The following EXOC6B variants were observed in gnomAD, a reference collection of about 807,000 sequenced individuals.
EXOC6B encodes the protein exocyst complex component 6B.
In EXOC6B, 54 loss-of-function variants were observed where a neutral mutation model predicts 113.5. The observed-to-expected ratio is 0.48, with a 90% confidence interval of 0.38 to 0.60. EXOC6B has a LOEUF of 0.60. Among genes scored for constraint, EXOC6B ranks in the 20% least tolerant of loss-of-function variants. EXOC6B has a pLI of 0.00. For synonymous variants in EXOC6B, 357 were observed against 339.0 expected (o/e 1.05, Z -0.58); for missense variants, 797 against 977.5 (o/e 0.82, Z 2.46).
intron 6 of EXOC6B, among the ~76,000 whole-genome samples, chr2:72,590,231 T>A (rs566978835): frequency 6.6e-6 from 1 of 152,092 alleles, no homozygotes; most frequent in East Asian, 1.9e-4. Flanking sequence ...GAAATTTTGA[T>A]TATGATCCAT....
intron 15 of EXOC6B, among the ~76,000 whole-genome samples, chr2:72,493,128 A>C (rs1699836961): frequency 6.6e-6 from 1 of 152,044 alleles, no homozygotes; most frequent in Non-Finnish European, 1.5e-5. Context: ...ACAATACATT[A>C]AGACTTTAGT....
chr2:72,498,015 A>C (rs1280614214), intron 13 of EXOC6B, among the ~76,000 whole-genome samples: 1 of 152,226 alleles, frequency 6.6e-6, no homozygotes, highest in Non-Finnish European at 1.5e-5. Context: ...GAGGAACAAC[A>C]TGAGTGAGTC....
At chr2:72,411,403 C>A (rs1004080674) in intron 18 of EXOC6B, among the ~76,000 whole-genome samples, 15 of 152,072 alleles carry the variant, frequency 9.9e-5, no homozygotes, top group African/African-American at 3.6e-4. Context: ...ATAACAGCTA[C>A]ATATTGGATT....
intron 8 of EXOC6B, among the ~76,000 whole-genome samples, chr2:72,525,904 G>A (rs1701727302): frequency 6.6e-6 from 1 of 152,072 alleles, no homozygotes; most frequent in Non-Finnish European, 1.5e-5. Context: ...TGCATATGAT[G>A]AGAAAGGAGA....
In EXOC6B at chr2:72,782,371, T is replaced by C. The variant is rs141537821; in HGVS notation, c.114-40902A>G. 1.4e-4 allele frequency among the ~76,000 whole-genome samples: 21 copies of C among 152,234 alleles called. No individual in the cohort carries two copies. The East Asian group carries it at 3.9e-3, about 28-fold the overall frequency. On this transcript the variant is annotated intron_variant, in intron 1 of 21. Coordinates refer to ENST00000272427, the MANE Select transcript of EXOC6B (RefSeq NM_015189.3). ...ATTTCTTTTTGGCTTAGATTTACCTTTTCTTTTTTATTTTTTAAAATTATT... is the reference window on the plus strand; with the variant it reads ...ATTTCTTTTTGGCTTAGATTTACCTCTTCTTTTTTATTTTTTAAAATTATT...
At chr2:72,609,979 A>G (rs1670977279) in intron 6 of EXOC6B, among the ~76,000 whole-genome samples, 1 of 152,124 alleles carries the variant, frequency 6.6e-6, no homozygotes, top group African/African-American at 2.4e-5. Flanking sequence ...GTGCTGAAGA[A>G]AAAAATTAAC....
At chr2:72,612,627 C>T (rs1391424151) in intron 6 of EXOC6B, among the ~76,000 whole-genome samples, 1 of 152,136 alleles carries the variant, frequency 6.6e-6, no homozygotes, top group Non-Finnish European at 1.5e-5. Flanking sequence ...GAGATAGAAC[C>T]ACCATCTTAA....
chr2:72,483,528 T>A (rs1699230464), intron 16 of EXOC6B, among the ~76,000 whole-genome samples: 1 of 152,214 alleles, frequency 6.6e-6, no homozygotes, highest in Admixed American at 6.5e-5. Context: ...TTTTTAAAGA[T>A]CTGTCAACAC....
intron 18 of EXOC6B, among the ~76,000 whole-genome samples, chr2:72,452,650 T>A (rs1209247745): frequency 1.3e-5 from 2 of 152,214 alleles, no homozygotes; most frequent in Non-Finnish European, 2.9e-5. Context: ...CAGCCAGGAA[T>A]AAGCATAGTA....
intron 20 of EXOC6B, among the ~76,000 whole-genome samples, chr2:72,289,537 C>T (rs1043881410): frequency 6.6e-6 from 1 of 152,002 alleles, no homozygotes; most frequent in African/African-American, 2.4e-5. Flanking sequence ...GAGTGTGTGT[C>T]TGTGTGTGTA....
chr2:72,194,564 A>T (rs1443711876), intron 20 of EXOC6B, among the ~76,000 whole-genome samples: 1 of 117,668 alleles, frequency 8.5e-6, no homozygotes, highest in African/African-American at 5.2e-5. Flanking sequence ...GCTTGGGTGA[A>T]TGATTTCTCT....
chr2:72,393,014 T>G (rs1012588141), intron 18 of EXOC6B, among the ~76,000 whole-genome samples: 1 of 152,146 alleles, frequency 6.6e-6, no homozygotes, highest in South Asian at 2.1e-4. Flanking sequence ...CCTATGCACC[T>G]GCAGCTTACA....
chr2:72,257,686 G>A (rs1456855951), intron 20 of EXOC6B, among the ~76,000 whole-genome samples: 1 of 152,166 alleles, frequency 6.6e-6, no homozygotes, highest in Non-Finnish European at 1.5e-5. Flanking sequence ...GACTTAGAAA[G>A]ATCAATGAAA....
intron 20 of EXOC6B, among the ~76,000 whole-genome samples, chr2:72,202,477 T>A (rs927088935): frequency 5.0e-4 from 76 of 152,308 alleles, no homozygotes; most frequent in African/African-American, 1.6e-3. Flanking sequence ...ATATTCTGTG[T>A]GAGCCCAGGA....
In EXOC6B at chr2:72,266,785, C is replaced by T. The variant is rs1235410510; in HGVS notation, c.2196+68162G>A. 5.9e-5 allele frequency among the ~76,000 whole-genome samples: 9 copies of T among 152,128 alleles called. No homozygotes were observed. In the South Asian group the frequency reaches 1.9e-3, roughly 32 times the overall value. ...ACTTTAAAGTAGTTTTTTTCCAATT[C>T]TGTGAAGAAAGTCATTGGTAGCTTG... On this transcript the variant is annotated intron_variant, in intron 20 of 21. Coordinates refer to ENST00000272427, the MANE Select transcript of EXOC6B (RefSeq NM_015189.3).
intron 6 of EXOC6B, among the ~76,000 whole-genome samples, chr2:72,591,164 A>G (rs1172781856): frequency 6.6e-6 from 1 of 152,110 alleles, no homozygotes; most frequent in Non-Finnish European, 1.5e-5. Context: ...TGAAGTTATT[A>G]AAACTTCTAA....
intron 18 of EXOC6B, among the ~76,000 whole-genome samples, chr2:72,408,255 A>G (rs576958056): frequency 1.3e-5 from 2 of 152,362 alleles, no homozygotes; most frequent in African/African-American, 2.4e-5. Context: ...GCTCATGGGT[A>G]GGAAGAATCA....
chr2:72,744,455 A>C (rs1681560756), intron 1 of EXOC6B, among the ~76,000 whole-genome samples: 1 of 152,200 alleles, frequency 6.6e-6, no homozygotes, highest in Non-Finnish European at 1.5e-5. Flanking sequence ...GGAATACATA[A>C]GAGAATCTAC....
intron 11 of EXOC6B, among the ~76,000 whole-genome samples, chr2:72,501,584 G>A (rs960526180): frequency 2.6e-5 from 4 of 151,752 alleles, no homozygotes; most frequent in East Asian, 1.9e-4. Context: ...GCCACTTTTC[G>A]ATATGCTTTT....
Sources: allele counts gnomAD v4.1 joint callset (sites outside exome capture counted in the v4.1 genomes callset), GRCh38; gene constraint gnomAD v4.1.1; transcripts MANE v1.5; gene names NCBI Gene and HGNC (gene_info 2026-07-23, HGNC 2026-07-21).